The following TBC1D30 variants were observed in gnomAD, a reference collection of about 807,000 sequenced individuals.
TBC1D30 encodes TBC1 domain family member 30.
In TBC1D30, 31 loss-of-function variants were observed where a neutral mutation model predicts 63.2. The observed-to-expected ratio is 0.49, with a 90% confidence interval of 0.37 to 0.66. TBC1D30 has a LOEUF of 0.66. Ranked by LOEUF, TBC1D30 falls within the 30% of genes least tolerant of loss-of-function variation. The pLI is 0.00. For missense variants in TBC1D30, 810 were observed against 953.6 expected (o/e 0.85, Z 1.98); for synonymous variants, 307 against 361.5 (o/e 0.85, Z 1.71).
At chr12:64,843,543 C>A in intron 8 of TBC1D30, 58 bp downstream of exon 8, 1 of 1,300,994 alleles carries the variant, frequency 7.7e-7, no homozygotes, top group Non-Finnish European at 1.1e-6. Flanking sequence ...GTGGGAACAA[C>A]CAGTGCCAGA....
exon 1 of TBC1D30, chr12:64,780,981 C>T: frequency 9.5e-7 from 1 of 1,054,380 alleles, no homozygotes. Context: ...TCCCGGGACA[C>T]GTGGGACGGC....
intron 1 of TBC1D30, among the ~76,000 whole-genome samples, chr12:64,763,683 A>G (rs1483193087): frequency 1.3e-5 from 2 of 149,912 alleles, no homozygotes; most frequent in Non-Finnish European, 3.0e-5. Flanking sequence ...ATCTCGGCTC[A>G]CTACAACCTC....
Position 64,830,456 on chromosome 12 carries a change from A to G in TBC1D30, c.362A>G (p.Glu121Gly). 1 of 1,535,732 alleles carries G rather than the reference A, an allele frequency of 6.5e-7. No homozygotes were observed. The highest frequency in any genetic ancestry group is 8.7e-7 in the Non-Finnish European group (1 of 1,146,632). The change falls in exon 4 of 12, where the codon GAA (glutamate) becomes GGA (glycine). Residue 121 changes from glutamate (E) to glycine (G), a missense_variant. By Grantham distance (98) the Glu-to-Gly change is moderately conservative (BLOSUM62 -2). This residue lies in a region of TBC1D30 where 272 missense variants were observed against 335.9 expected (regional missense o/e 0.81). Coordinates refer to ENST00000539867, the MANE Select transcript of TBC1D30 (RefSeq NM_015279.2). ...AAAACCATGCGCTTCACTTTCAATG[A>G]AAGGAGTAATCCTGATGATGACTCC... ...WDKTMRFTFN[E>G]RSNPDDDSMG...
At chr12:64,796,963 A>G (rs1316345220) in intron 2 of TBC1D30, among the ~76,000 whole-genome samples, 2 of 148,030 alleles carry the variant, frequency 1.4e-5, no homozygotes, top group Admixed American at 6.9e-5. Context: ...AGATGATAAT[A>G]TGACTTATAC....
At chr12:64,842,688 T>C (rs554898891) in intron 7 of TBC1D30, among the ~76,000 whole-genome samples, 11 of 152,358 alleles carry the variant, frequency 7.2e-5, no homozygotes, top group African/African-American at 2.2e-4. Flanking sequence ...ATATTAATGA[T>C]ATCACTGTTT....
At chr12:64,843,895 G>A (rs889843040) in intron 8 of TBC1D30, among the ~76,000 whole-genome samples, 26 of 152,186 alleles carry the variant, frequency 1.7e-4, no homozygotes, top group African/African-American at 6.3e-4. Context: ...GGGCTTAAGT[G>A]ATCCTGCCAC....
At chr12:64,791,603 C>T (rs1395404324) in intron 2 of TBC1D30, among the ~76,000 whole-genome samples, 4 of 152,102 alleles carry the variant, frequency 2.6e-5, no homozygotes, top group Admixed American at 6.5e-5. Flanking sequence ...CAACCTATGC[C>T]TCCTGGGCCC....
chr12:64,812,659 G>T (rs1185408701), intron 2 of TBC1D30, among the ~76,000 whole-genome samples: 1 of 151,894 alleles, frequency 6.6e-6, no homozygotes, highest in Non-Finnish European at 1.5e-5. Context: ...CCAAATTTTA[G>T]AAAATTGCAT....
At chr12:64,806,032 A>G (rs1339092602) in intron 2 of TBC1D30, among the ~76,000 whole-genome samples, 2 of 152,202 alleles carry the variant, frequency 1.3e-5, no homozygotes, top group African/African-American at 4.8e-5. Context: ...ATGTTGAACA[A>G]TGAGCAGAAG....
chr12:64,859,672 AAG>A (rs1877612140), intron 8 of TBC1D30, among the ~76,000 whole-genome samples: 1 of 152,204 alleles, frequency 6.6e-6, no homozygotes, highest in African/African-American at 2.4e-5. Flanking sequence ...GCTTAGAAGG[AAG>A]AGGGCAAGTT....
chr12:64,839,479 T>C (rs1565669719), intron 7 of TBC1D30, among the ~76,000 whole-genome samples: 1 of 152,186 alleles, frequency 6.6e-6, no homozygotes, highest in African/African-American at 2.4e-5. Flanking sequence ...GTTGTGCCTT[T>C]TGGGTAACGG....
rs1035928267 is a variant in TBC1D30 at position 64,880,644 on chromosome 12, A to G, written c.*4856A>G. ...CCGCCTTCAAATACCATCACGTTGA[A>G]GGTTGCTTCCTTCCTGGTCGTTTGC... On this transcript the variant is annotated 3_prime_UTR_variant, in exon 12 of 12. Transcript: ENST00000539867. 1 of 152,232 alleles carries G rather than the reference A, an allele frequency of 6.6e-6. No individual in the cohort carries two copies. Among genetic ancestry groups the G allele is most frequent in the Non-Finnish European group, 1.5e-5 (1 of 68,060 alleles). The allele number at this position is 152,232 out of a possible 1,614,324, so 9.4% of individuals were successfully genotyped here.
chr12:64,781,592 T>G (rs117483787), intron 1 of TBC1D30, among the ~76,000 whole-genome samples: 3,189 of 152,132 alleles, frequency 0.021, 63 homozygotes, highest in Non-Finnish European at 0.033. Context: ...TAATTTCACC[T>G]GAACAGCTGT....
At chr12:64,785,767 C>A in intron 1 of TBC1D30, 1 of 813,544 alleles carries the variant, frequency 1.2e-6, no homozygotes, top group Non-Finnish European at 1.7e-6. Flanking sequence ...TGAGTGAAAA[C>A]CTAGAATTAG....
intron 6 of TBC1D30, among the ~76,000 whole-genome samples, chr12:64,838,184 C>T (rs1034201394): frequency 6.6e-6 from 1 of 152,116 alleles, no homozygotes; most frequent in African/African-American, 2.4e-5. Context: ...GATTTGCCAG[C>T]TATCTTTCTG....
At position 64,827,796 on chromosome 12, in the gene TBC1D30, T is replaced by C. The variant is rs918416160; in HGVS notation, c.155-39T>C. 1.9e-5 allele frequency: 26 copies of C among 1,356,376 alleles called. No individual in the cohort carries two copies. In the African/African-American group the frequency reaches 2.6e-4, roughly 14 times the overall value. The allele number at this position is 1,356,376 out of a possible 1,614,324, so 84.0% of individuals were successfully genotyped here. ...GTATTTTTGATATAACTTGTTATAG[T>C]CTCCAAAAATAACATCTATTTATGT... On this transcript the variant is annotated intron_variant, in intron 1 of 11. Transcript: ENST00000539867.
chr12:64,852,247 C>T (rs183685429), intron 8 of TBC1D30, among the ~76,000 whole-genome samples: 22 of 152,076 alleles, frequency 1.4e-4, no homozygotes, highest in South Asian at 6.2e-4. Context: ...ATCTTATCTT[C>T]GTGCTTTATT....
intron 2 of TBC1D30, among the ~76,000 whole-genome samples, chr12:64,803,292 C>T (rs1399303411): frequency 6.6e-6 from 1 of 152,158 alleles, no homozygotes; most frequent in Non-Finnish European, 1.5e-5. Context: ...GCATAAATGT[C>T]TTCTTTTGAG....
intron 1 of TBC1D30, among the ~76,000 whole-genome samples, chr12:64,826,242 C>T (rs1014149879): frequency 5.9e-5 from 9 of 152,108 alleles, no homozygotes; most frequent in Non-Finnish European, 1.2e-4. Flanking sequence ...TGCATGCAGG[C>T]GGCGAATCAA....
Sources: gnomAD v4.1 joint callset for allele counts (sites outside exome capture counted in the v4.1 genomes callset) on GRCh38, gnomAD v4.1.1 for gene constraint, gnomAD v4.1.1 regional missense constraint, MANE v1.5 for transcripts, NCBI Gene and HGNC (gene_info 2026-07-23, HGNC 2026-07-21) for gene names.